Variants in TTC13 observed in about 807,000 individuals in gnomAD.
The protein encoded by TTC13 is tetratricopeptide repeat domain 13, also known as tetratricopeptide repeat protein 13.
In TTC13, 62 loss-of-function variants were observed where a neutral mutation model predicts 120.0. The observed-to-expected ratio is 0.52, with a 90% CI of 0.42 to 0.64. The LOEUF is 0.64. Among genes scored for constraint, TTC13 ranks in the 30% least tolerant of loss-of-function variants. TTC13 has a pLI of 0.00. For synonymous variants in TTC13, 384 were observed against 393.5 expected (o/e 0.98, Z 0.28); for missense variants, 824 against 1,050.2 (o/e 0.78, Z 2.98).
intron 6 of TTC13, among the ~76,000 whole-genome samples, chr1:230,943,432 G>A (rs188877483): frequency 4.5e-4 from 69 of 151,706 alleles, no homozygotes; most frequent in Non-Finnish European, 7.8e-4. Context: ...TCCTTTGTAG[G>A]GACATGGATG....
At chr1:230,968,990 G>A (rs572343653) in intron 1 of TTC13, among the ~76,000 whole-genome samples, 4 of 152,196 alleles carry the variant, frequency 2.6e-5, no homozygotes, top group Admixed American at 6.5e-5. Context: ...AGAAAGCTTA[G>A]GGGGCTGGGT....
Position 230,942,410 on chromosome 1 carries a change from T to C in TTC13, c.672+1396A>G, listed in dbSNP as rs906006270. On this transcript the variant is annotated intron_variant, in intron 6 of 22. Transcript: ENST00000366661. This position sits in a 1 kb window ranked among gnomAD's most constrained non-coding sequence, Gnocchi z 4.0. ...AAGAGGTAAGAAATTAAATCATTCA[T>C]TGAGAAAGATTTTATTCAAAAAGCC... Among the ~76,000 whole-genome samples the C allele has an allele frequency of 6.6e-6, 1 of 152,152 alleles. No homozygotes were observed. Among genetic ancestry groups the C allele is most frequent in the African/African-American group, 2.4e-5 (1 of 41,430 alleles).
chr1:230,957,630 G>T (rs931570390), intron 3 of TTC13, among the ~76,000 whole-genome samples: 2 of 152,082 alleles, frequency 1.3e-5, no homozygotes, highest in Non-Finnish European at 1.5e-5. Context: ...ATTCAATTTT[G>T]TCTCCACTTC....
intron 17 of TTC13, among the ~76,000 whole-genome samples, chr1:230,919,533 C>T (rs534501697): frequency 1.3e-5 from 2 of 152,196 alleles, no homozygotes; most frequent in African/African-American, 4.8e-5. Context: ...CACATTCAAA[C>T]GATGGCATTT....
rs1411342986 is a variant in TTC13, at chr1:230,978,835, C to T, written c.-5G>A. On this transcript the variant is annotated 5_prime_UTR_variant, in exon 1 of 23. Coordinates refer to ENST00000366661, the MANE Select transcript of TTC13 (RefSeq NM_024525.5). This position sits in a 1 kb window ranked among gnomAD's most constrained non-coding sequence, Gnocchi z 5.6. ...GCAGCAGCCGGCAGGTGCCATCTTCCCTCAAGGCGCATGCGCGACAGCCCT... is the reference window on the plus strand; with the variant it reads ...GCAGCAGCCGGCAGGTGCCATCTTCTCTCAAGGCGCATGCGCGACAGCCCT... 6.8e-6 allele frequency: 10 copies of T among 1,469,006 alleles called. No individual in the cohort carries two copies. In the South Asian group the frequency reaches 1.1e-4, roughly 16 times the overall value. The allele number at this position is 1,469,006 out of a possible 1,614,324, so 91.0% of individuals were successfully genotyped here.
chr1:230,921,013 C>A (rs924237917), intron 16 of TTC13, among the ~76,000 whole-genome samples: 2 of 152,116 alleles, frequency 1.3e-5, no homozygotes, highest in East Asian at 3.8e-4. Context: ...GGTTTTTCCA[C>A]CGATTTTATA....
intron 1 of TTC13, among the ~76,000 whole-genome samples, chr1:230,967,477 A>G (rs1051487487): frequency 6.6e-6 from 1 of 152,174 alleles, no homozygotes; most frequent in African/African-American, 2.4e-5. Flanking sequence ...AATTTATTTA[A>G]GATGTTTCTA....
At chr1:230,938,385 C>T (rs554657044) in intron 8 of TTC13, among the ~76,000 whole-genome samples, 7 of 152,282 alleles carry the variant, frequency 4.6e-5, no homozygotes, top group Admixed American at 2.6e-4. Context: ...AGGTTCCAGG[C>T]CCCCGGCTCC....
At chr1:230,912,082 G>A (rs945295351) in intron 19 of TTC13, among the ~76,000 whole-genome samples, 4 of 152,152 alleles carry the variant, frequency 2.6e-5, no homozygotes, top group East Asian at 3.9e-4. Flanking sequence ...CACAGAGAAG[G>A]GGCGTGGTGG....
intron 3 of TTC13, among the ~76,000 whole-genome samples, chr1:230,956,044 ATATCCTT>A (rs1180075855): frequency 6.6e-6 from 1 of 152,226 alleles, no homozygotes; most frequent in Non-Finnish European, 1.5e-5. Context: ...AGGCACAGTA[ATATCCTT>A]TACCAGTATT....
At chr1:230,970,599 G>A (rs749067139) in intron 1 of TTC13, among the ~76,000 whole-genome samples, 4 of 152,182 alleles carry the variant, frequency 2.6e-5, no homozygotes, top group Non-Finnish European at 4.4e-5. Context: ...GTGGTGGGGA[G>A]CAAGGAAGTT....
In TTC13 at chr1:230,908,574, T is replaced by A. The variant is rs915146249; in HGVS notation, c.2468+138A>T. On this transcript the variant is annotated intron_variant, in intron 22 of 22. Transcript: ENST00000366661. The stretch of plus-strand genomic sequence containing the variant: ...AACATTTTAACCTTGAAAAAGTGAA[T>A]TAAATTCATTGTATTACATATTAAC... 3 of 688,536 alleles carry A rather than the reference T, an allele frequency of 4.4e-6. No individual in the cohort carries two copies. The African/African-American group carries it at 5.4e-5, about 12-fold the overall frequency. The allele number at this position is 688,536 out of a possible 1,614,324, so 42.7% of individuals were successfully genotyped here.
Position 230,940,404 on chromosome 1 carries a change from T to C in TTC13, c.789+36A>G, listed in dbSNP as rs1372282487. ...GGTCAAGGGAAAAATGAAATCTTCA[T>C]CATCATAAAAATACTTCAAGACAAA... On this transcript the variant is annotated intron_variant, in intron 7 of 22. Transcript: ENST00000366661. This position sits in a 1 kb window ranked among gnomAD's most constrained non-coding sequence, Gnocchi z 4.1. The C allele has an allele frequency of 2.2e-6, 3 of 1,365,164 alleles. No homozygotes were observed. Among genetic ancestry groups the C allele is most frequent in the Non-Finnish European group, 3.1e-6 (3 of 961,888 alleles). 84.6% of individuals were successfully genotyped at this position (1,365,164 alleles called of 1,614,324 possible).
At chr1:230,934,337 A>C (rs977098488) in intron 8 of TTC13, among the ~76,000 whole-genome samples, 1 of 152,176 alleles carries the variant, frequency 6.6e-6, no homozygotes, top group Non-Finnish European at 1.5e-5. Context: ...AACAAGCAAA[A>C]AGGCTCCTAG....
intron 6 of TTC13, among the ~76,000 whole-genome samples, chr1:230,941,977 A>G (rs1674571818): frequency 6.6e-6 from 1 of 152,242 alleles, no homozygotes; most frequent in South Asian, 2.1e-4. Context: ...GACCTCTGAC[A>G]TATATAAATG....
At chr1:230,922,638 T>G (rs946665334) in intron 15 of TTC13, among the ~76,000 whole-genome samples, 8 of 152,234 alleles carry the variant, frequency 5.3e-5, no homozygotes, top group African/African-American at 1.7e-4. Flanking sequence ...TGACCATACC[T>G]AACTCATCCA....
intron 1 of TTC13, among the ~76,000 whole-genome samples, chr1:230,963,732 T>C (rs548185882): frequency 1.4e-4 from 22 of 152,006 alleles, no homozygotes; most frequent in African/African-American, 4.8e-4. Context: ...GTATTCCGGA[T>C]AGGACGATGA....
At chr1:230,907,175 C>G (rs1293844101) in intron 22 of TTC13, among the ~76,000 whole-genome samples, 156 bp from the exon 23 acceptor site, 1 of 152,186 alleles carries the variant, frequency 6.6e-6, no homozygotes, top group Non-Finnish European at 1.5e-5. Context: ...AACAGAATGG[C>G]TCCTCTCACA....
At chr1:230,959,411 C>T (rs375715194) in intron 2 of TTC13, among the ~76,000 whole-genome samples, 1 of 149,754 alleles carries the variant, frequency 6.7e-6, no homozygotes, top group East Asian at 2.0e-4. Context: ...GACAAAGTTT[C>T]TCTCTTTTTG....
Sources: gnomAD v4.1 joint callset for allele counts (sites outside exome capture counted in the v4.1 genomes callset) on GRCh38, gnomAD v4.1.1 for gene constraint, Gnocchi (gnomAD v3.1) non-coding constraint, MANE v1.5 for transcripts, NCBI Gene and HGNC (gene_info 2026-07-23, HGNC 2026-07-21) for gene names.